Variants in MACF1 observed in about 807,000 individuals in gnomAD.
The protein encoded by MACF1 is microtubule actin crosslinking factor 1.
Under a neutral mutation model 854.8 loss-of-function variants are expected in MACF1, and 193 were observed. The observed-to-expected ratio is 0.23, with a 90% confidence interval of 0.20 to 0.25. The LOEUF is 0.25. MACF1 is among the 10% of genes least tolerant of loss of function. The probability of loss-of-function intolerance (pLI) is 1.00; values close to 1 mark genes in which losing one functional copy is unlikely to be tolerated. For missense variants in MACF1, 7,722 were observed against 8,929.1 expected, an observed-to-expected ratio of 0.86 and a Z score of 5.45; for synonymous variants, 3,185 against 3,226.7, an observed-to-expected ratio of 0.99 and a Z score of 0.44.
intron 40 of MACF1, among the ~76,000 whole-genome samples, chr1:39,346,410 G>A (rs1647048633): frequency 6.6e-6 from 1 of 151,984 alleles, no homozygotes; most frequent in Admixed American, 6.5e-5. Context: ...GTATAATTAT[G>A]CTAGCATAAA....
chr1:39,291,196 C>T (rs896676219), intron 15 of MACF1, among the ~76,000 whole-genome samples: 6 of 147,330 alleles, frequency 4.1e-5, no homozygotes, highest in Non-Finnish European at 3.0e-5. Flanking sequence ...AGGCTGGTCT[C>T]GAACTCCTGA....
chr1:39,150,976 G>A (rs1301845247), intron 2 of MACF1, among the ~76,000 whole-genome samples: 1 of 152,098 alleles, frequency 6.6e-6, no homozygotes, highest in Non-Finnish European at 1.5e-5. Context: ...GTGACTCTGG[G>A]CCAGTTTTCT....
intron 1 of MACF1, among the ~76,000 whole-genome samples, chr1:39,211,707 C>T (rs959715505): frequency 6.6e-6 from 1 of 151,934 alleles, no homozygotes; most frequent in Non-Finnish European, 1.5e-5. Flanking sequence ...ATGGTAAAAC[C>T]CTGTCTCTAC....
At chr1:39,152,384 C>G (rs1453877224) in intron 2 of MACF1, among the ~76,000 whole-genome samples, 6 of 151,078 alleles carry the variant, frequency 4.0e-5, no homozygotes, top group African/African-American at 1.5e-4. Context: ...ATTTTTTTTT[C>G]TTTTTTAAAC....
chr1:39,285,064 G>GA lies in MACF1; in HGVS notation c.1132-16dup, dbSNP rs898306692. On this transcript the variant is annotated intron_variant, in intron 11 of 100. Transcript: ENST00000564288. ...GAGGGCATGGCTGTGTTTTTGGACTGAAAGAGTATCTGTTTCAGGTGTGGA... is the reference window on the plus strand; with the variant it reads ...GAGGGCATGGCTGTGTTTTTGGACTGAAAAGAGTATCTGTTTCAGGTGTGGA... 7 of 1,613,234 alleles carry GA rather than the reference G, an allele frequency of 4.3e-6. No homozygotes were observed. In the African/African-American group the frequency reaches 9.3e-5, roughly 22 times the overall value.
At position 39,295,776 on chromosome 1, in the gene MACF1, G is replaced by A. The variant is rs1458579044; in HGVS notation, c.2260-11G>A. On this transcript the variant is annotated splice_polypyrimidine_tract_variant and intron_variant, in intron 19 of 100. Transcript: ENST00000564288. ...CTCAAGCCCTTCTGTCTGTGTGCTT[G>A]TTTATTGCAGGCTTACAGTGCTGCT... 1 of 1,609,230 alleles carries A rather than the reference G, an allele frequency of 6.2e-7. No homozygotes were observed. Among genetic ancestry groups the A allele is most frequent in the Non-Finnish European group, 8.5e-7 (1 of 1,176,948 alleles).
intron 21 of MACF1, 119 bp downstream of exon 21, chr1:39,297,864 G>A (rs1158720923): frequency 9.8e-6 from 12 of 1,224,638 alleles, no homozygotes; most frequent in Non-Finnish European, 1.3e-5. Context: ...ATAAAGTTTG[G>A]CTTACATTCA....
intron 58 of MACF1, among the ~76,000 whole-genome samples, chr1:39,421,902 G>C (rs1206771990): frequency 6.6e-6 from 1 of 152,030 alleles, no homozygotes; most frequent in Non-Finnish European, 1.5e-5. Flanking sequence ...GTGAAACCCT[G>C]TCTCCACTAA....
chr1:39,194,313 T>C (rs886109456), intron 2 of MACF1, among the ~76,000 whole-genome samples: 33 of 149,812 alleles, frequency 2.2e-4, no homozygotes, highest in South Asian at 2.1e-4. Context: ...TTTCCAGAAG[T>C]GGAATTTCTT....
At chr1:39,268,230 A>T (rs988326048) in intron 6 of MACF1, among the ~76,000 whole-genome samples, 1 of 151,396 alleles carries the variant, frequency 6.6e-6, no homozygotes, top group Non-Finnish European at 1.5e-5. Context: ...CCTCCACGTT[A>T]CCTTCTGCCA....
chr1:39,251,172 C>CT (rs80269109), intron 3 of MACF1, among the ~76,000 whole-genome samples: 24,177 of 150,982 alleles, frequency 0.16, 2,395 homozygotes, highest in Middle Eastern at 0.22. Flanking sequence ...GGTTTCGTAT[C>CT]TTTTTTTTTG....
At chr1:39,476,601 C>T (rs769908219) in intron 97 of MACF1, among the ~76,000 whole-genome samples, 1 of 151,836 alleles carries the variant, frequency 6.6e-6, no homozygotes, top group East Asian at 1.9e-4. Flanking sequence ...GAAATTTATC[C>T]TAAGGAAATA....
intron 98 of MACF1, among the ~76,000 whole-genome samples, 157 bp from the exon 99 acceptor site, chr1:39,480,763 G>C: frequency 6.6e-6 from 1 of 152,156 alleles, no homozygotes; most frequent in Non-Finnish European, 1.5e-5. Context: ...TGCCTGCCTG[G>C]TCCTTCTCAT....
At position 39,353,145 on chromosome 1, in the gene MACF1, G is replaced by A; in HGVS notation, c.11338G>A (p.Glu3780Lys). The A allele has an allele frequency of 6.2e-7, 1 of 1,614,136 alleles. No homozygotes were observed. Among genetic ancestry groups the A allele is most frequent in the Non-Finnish European group, 8.5e-7 (1 of 1,180,014 alleles). The change falls in exon 44 of 101, where the codon GAG becomes AAG. Residue 3780 changes from glutamate to lysine, a missense_variant. By Grantham distance (56) the Glu-to-Lys change is moderately conservative. Around this residue, in one of 15 missense-constraint regions of MACF1, gnomAD observed 2,807 missense variants for 3,235.8 expected, o/e 0.87. Coordinates refer to ENST00000564288, the MANE Select transcript of MACF1 (RefSeq NM_001394062.1). ...GGAGCAGCTCTCGGGAGCTAGCTTG[G>A]AGAAAGGAGCCTTGGACACCACTGA... is the stretch of plus-strand genomic sequence containing the variant. ...GMEQLSGASL[E>K]KGALDTTDGY...
At chr1:39,397,556 G>T (rs1017511442) in intron 58 of MACF1, among the ~76,000 whole-genome samples, 3 of 148,824 alleles carry the variant, frequency 2.0e-5, no homozygotes, top group Admixed American at 6.7e-5. Flanking sequence ...GCGAAACTTC[G>T]TTCCAAAAAA....
intron 41 of MACF1, among the ~76,000 whole-genome samples, chr1:39,347,885 C>A (rs1216767364): frequency 1.3e-5 from 2 of 152,188 alleles, no homozygotes; most frequent in Non-Finnish European, 2.9e-5. Context: ...ATCCTACCAT[C>A]TTCCATCACA....
At chr1:39,286,252 G>A (rs369352662) in intron 14 of MACF1, among the ~76,000 whole-genome samples, 2 of 151,840 alleles carry the variant, frequency 1.3e-5, no homozygotes, top group African/African-American at 2.4e-5. Flanking sequence ...GGGTTCAAGC[G>A]ATCCTCCTGC....
At chr1:39,242,015 G>A (rs1327183478) in intron 2 of MACF1, among the ~76,000 whole-genome samples, 1 of 152,210 alleles carries the variant, frequency 6.6e-6, no homozygotes, top group African/African-American at 2.4e-5. Flanking sequence ...CTGAGAAATT[G>A]AGGGAAGCTG....
chr1:39,453,924 C>G, intron 88 of MACF1, 74 bp downstream of exon 88: 1 of 1,487,586 alleles, frequency 6.7e-7, no homozygotes, highest in Non-Finnish European at 9.1e-7. Flanking sequence ...GTATTTTTCC[C>G]CCAGGTAAGG....
Sources: allele counts gnomAD v4.1 joint callset (sites outside exome capture counted in the v4.1 genomes callset), GRCh38; gene constraint gnomAD v4.1.1; regional missense constraint gnomAD v4.1.1; transcripts MANE v1.5; gene names NCBI Gene and HGNC (gene_info 2026-07-23, HGNC 2026-07-21).